Variants in ATG2B observed in about 807,000 individuals in gnomAD.
The protein encoded by ATG2B is autophagy-related protein 2 homolog B.
In ATG2B, 121 loss-of-function variants were observed where a neutral mutation model predicts 241.3. The observed-to-expected ratio is 0.50, with a 90% CI of 0.43 to 0.58. The LOEUF is 0.58. Ranked by LOEUF, ATG2B falls within the 20% of genes least tolerant of loss-of-function variation. The pLI, the probability that ATG2B is intolerant of heterozygous loss-of-function variation, is 0.00. For synonymous variants in ATG2B, 858 were observed against 876.6 expected (o/e 0.98, Z 0.37); for missense variants, 2,306 against 2,491.6 (o/e 0.93, Z 1.59).
intron 15 of ATG2B, 181 bp from the exon 16 acceptor site, chr14:96,324,179 CTGTTT>C (rs1887531700): frequency 7.2e-6 from 4 of 556,390 alleles, no homozygotes; most frequent in Non-Finnish European, 1.3e-5. Flanking sequence ...ATTAAAGATT[CTGTTT>C]TGTGTTCAAA....
chr14:96,322,394 GA>G (rs1225137360), intron 17 of ATG2B, 140 bp from the exon 18 acceptor site: 23 of 1,281,120 alleles, frequency 1.8e-5, no homozygotes, highest in Non-Finnish European at 2.3e-5. Flanking sequence ...TATACACCAA[GA>G]AAAAATAGGT....
chr14:96,323,890 A>G lies in ATG2B; in HGVS notation c.2540+6T>C. ...TCCTATTAAACCTATGCATTTGCTT[A>G]CTCACCGTGGCCAGTCAAAGTCATC... On this transcript the variant is annotated splice_donor_region_variant and intron_variant, in intron 16 of 41. Transcript: ENST00000359933. The G allele has an allele frequency of 6.4e-7, 1 of 1,574,324 alleles. No individual in the cohort carries two copies. Among genetic ancestry groups the G allele is most frequent in the South Asian group, 1.1e-5 (1 of 87,746 alleles).
chr14:96,325,572 T>C, intron 15 of ATG2B, 77 bp downstream of exon 15: 1 of 1,343,104 alleles, frequency 7.4e-7, no homozygotes, highest in Non-Finnish European at 1.0e-6. Flanking sequence ...GGCTGTCAGA[T>C]ACTTTTGTGA....
chr14:96,336,369 TA>T (rs1887868522), intron 6 of ATG2B, among the ~76,000 whole-genome samples: 1 of 152,154 alleles, frequency 6.6e-6, no homozygotes. Context: ...TTGCATTAAA[TA>T]AAAACAAATT....
chr14:96,329,464 A>T lies in ATG2B; in HGVS notation c.1881+20T>A, dbSNP rs754283458. ...GTAGATTTAAAAAATAATCTTAAAG[A>T]AAAAGTATTCAATATTTACCTCTGT... is the stretch of plus-strand genomic sequence containing the variant. On this transcript the variant is annotated intron_variant, in intron 12 of 41. Transcript: ENST00000359933. 1 of 1,515,166 alleles carries T rather than the reference A, an allele frequency of 6.6e-7. No individual in the cohort carries two copies. Among genetic ancestry groups the T allele is most frequent in the East Asian group, 2.3e-5 (1 of 43,052 alleles). 93.9% of individuals were successfully genotyped at this position (1,515,166 alleles called of 1,614,324 possible).
rs146800472 is a variant in ATG2B, at chr14:96,306,852, G to A, written c.4368C>T (p.Asp1456=). The A allele has an allele frequency of 3.8e-4, 614 of 1,613,952 alleles. 3 individuals are homozygous for A. In the African/African-American group the frequency reaches 4.1e-3, roughly 11 times the overall value. Reference sequence around the variant, plus strand: ...ACTCCTGGGATACATTCCCACTCTCGTCAGGAAACAGGAAGAGGTCTGAAC... The same window carrying A: ...ACTCCTGGGATACATTCCCACTCTCATCAGGAAACAGGAAGAGGTCTGAAC... ...PCCSDLFLFP[D]ESGNVSQESG... The change falls in exon 30 of 42, where the codon GAC becomes GAT. Residue 1456 remains aspartate, a synonymous_variant. Coordinates refer to ENST00000359933, the MANE Select transcript of ATG2B (RefSeq NM_018036.7).
chr14:96,289,776 C>A lies in ATG2B; in HGVS notation c.5886G>T (p.Val1962=), dbSNP rs1332517423. The A allele has an allele frequency of 2.5e-6, 4 of 1,614,092 alleles. No individual in the cohort carries two copies. Among genetic ancestry groups the A allele is most frequent in the Non-Finnish European group, 3.4e-6 (4 of 1,179,998 alleles). The part of the protein sequence containing the change: ...QAAAETAYDM[V]SPGTLSIEPK... The stretch of plus-strand genomic sequence containing the variant: ...GCTCGATAGAAAGGGTACCAGGAGA[C>A]ACCATATCATAAGCAGTCTCTGCAG... The change falls in exon 41 of 42, where the codon GTG becomes GTT. Residue 1962 remains valine, a synonymous_variant. Transcript: ENST00000359933. This position sits in a 1 kb window ranked among gnomAD's most constrained non-coding sequence, Gnocchi z 4.3.
In ATG2B at chr14:96,312,131, G is replaced by T; in HGVS notation, c.3871C>A (p.Leu1291Ile). Reference protein sequence around the residue: ...RIILDEAALHLSDKCNTVTIN... With the variant: ...RIILDEAALHISDKCNTVTIN... ...GTGACAGTATTGCATTTGTCAGATA[G>T]ATGTAAAGCAGCTTCATCCAAGATT... Residue 1291 changes from leucine (L) to isoleucine (I), a missense_variant, in exon 26 of 42, where the codon CTA becomes ATA. Transcript: ENST00000359933. 1 of 1,599,274 alleles carries T rather than the reference G, an allele frequency of 6.3e-7. No individual in the cohort carries two copies. The highest frequency in any genetic ancestry group is 1.8e-5 in the Admixed American group (1 of 55,270).
At chr14:96,333,993 T>C in intron 7 of ATG2B, 120 bp from the exon 8 acceptor site, 1 of 789,218 alleles carries the variant, frequency 1.3e-6, no homozygotes, top group Non-Finnish European at 2.1e-6. Context: ...GCAAAACCAC[T>C]GCTATTTAGT....
intron 1 of ATG2B, among the ~76,000 whole-genome samples, chr14:96,348,940 A>G (rs1888242652): frequency 6.6e-6 from 1 of 152,224 alleles, no homozygotes; most frequent in Admixed American, 6.5e-5. Flanking sequence ...AAAAGAAAGC[A>G]GAGACCAAGA....
Position 96,290,316 on chromosome 14 carries a change from C to T in ATG2B, c.5856+120G>A, listed in dbSNP as rs988116854. The T allele has an allele frequency of 8.9e-6, 12 of 1,346,296 alleles. No individual in the cohort carries two copies. Among genetic ancestry groups the T allele is most frequent in the South Asian group, 4.6e-5 (3 of 65,618 alleles). The allele number at this position is 1,346,296 out of a possible 1,614,324, so 83.4% of individuals were successfully genotyped here. A position where few individuals can be genotyped will look rare whatever the true frequency, so the allele number is the denominator to read the frequency against. On this transcript the variant is annotated intron_variant, in intron 40 of 41. Transcript: ENST00000359933. This position sits in a 1 kb window ranked among gnomAD's most constrained non-coding sequence, Gnocchi z 4.4. Reference sequence around the variant, plus strand: ...AAACAAGCATGACATTAAATCACTACGAATAAAGTATCTACTCACAACATT... The same window carrying T: ...AAACAAGCATGACATTAAATCACTATGAATAAAGTATCTACTCACAACATT...
intron 16 of ATG2B, among the ~76,000 whole-genome samples, chr14:96,323,642 C>A (rs1469901217): frequency 6.6e-6 from 1 of 152,134 alleles, no homozygotes; most frequent in Non-Finnish European, 1.5e-5. Flanking sequence ...CAACATCTGT[C>A]CTAAGAATCT....
chr14:96,358,035 ACT>A (rs1172587053), intron 1 of ATG2B, among the ~76,000 whole-genome samples: 1 of 152,170 alleles, frequency 6.6e-6, no homozygotes, highest in Non-Finnish European at 1.5e-5. Context: ...ACTTGATGGA[ACT>A]CTCTTCTCAG....
In ATG2B at chr14:96,353,679, A is replaced by G. The variant is rs531628294; in HGVS notation, c.163-6338T>C. Reference sequence around the variant, plus strand: ...ATATATAAATCATTAAAGGAATTAAAATGTTACACTAGAAAATATTTGCTT... The same window carrying G: ...ATATATAAATCATTAAAGGAATTAAGATGTTACACTAGAAAATATTTGCTT... On this transcript the variant is annotated intron_variant, in intron 1 of 41. Coordinates refer to ENST00000359933, the MANE Select transcript of ATG2B (RefSeq NM_018036.7). Among the ~76,000 whole-genome samples the G allele has an allele frequency of 6.6e-5, 10 of 151,404 alleles. No individual in the cohort carries two copies. The East Asian group carries it at 1.7e-3, about 26-fold the overall frequency.
At chr14:96,286,779 T>G (rs940280717) in intron 41 of ATG2B, among the ~76,000 whole-genome samples, 1 of 151,992 alleles carries the variant, frequency 6.6e-6, no homozygotes, top group African/African-American at 2.4e-5. Context: ...TTATTATTAT[T>G]ATATTATTAT....
chr14:96,316,452 T>A (rs1657685782), intron 21 of ATG2B, 81 bp downstream of exon 21: 1 of 1,387,938 alleles, frequency 7.2e-7, no homozygotes, highest in Non-Finnish European at 9.9e-7. Context: ...ACCAAAGTTC[T>A]GTTCTCAATA....
chr14:96,290,186 C>A lies in ATG2B; in HGVS notation c.5856+250G>T. The stretch of plus-strand genomic sequence containing the variant: ...TCATACAAATATGGTGAAATCAATC[C>A]TCTGCTAACTTAATGTTTACAATTT... On this transcript the variant is annotated intron_variant, in intron 40 of 41. Transcript: ENST00000359933. This position sits in a 1 kb window ranked among gnomAD's most constrained non-coding sequence, Gnocchi z 4.4. The A allele has an allele frequency of 7.8e-7, 1 of 1,287,516 alleles. No individual in the cohort carries two copies. The highest frequency in any genetic ancestry group is 9.9e-7 in the Non-Finnish European group (1 of 1,014,380). The allele number at this position is 1,287,516 out of a possible 1,614,324, so 79.8% of individuals were successfully genotyped here.
chr14:96,297,384 C>A (rs1489051587), intron 34 of ATG2B, among the ~76,000 whole-genome samples: 1 of 151,754 alleles, frequency 6.6e-6, no homozygotes, highest in African/African-American at 2.4e-5. Context: ...ATGCTAATCA[C>A]CAGCTTTTTT....
In ATG2B at chr14:96,284,866, C is replaced by T. The variant is rs929984878; in HGVS notation, c.*889G>A. 3.9e-5 allele frequency: 6 copies of T among 152,148 alleles called. No homozygotes were observed. Among genetic ancestry groups the T allele is most frequent in the African/African-American group, 1.4e-4 (6 of 41,434 alleles). The allele number at this position is 152,148 out of a possible 1,614,324, so 9.4% of individuals were successfully genotyped here. A position where few individuals can be genotyped will look rare whatever the true frequency, so the allele number is the denominator to read the frequency against. Reference sequence around the variant, plus strand: ...GGGCATATTTGAAGAATTTTGTTTACTTTTAAAAGAGGAAAAATCACTTCC... The same window carrying T: ...GGGCATATTTGAAGAATTTTGTTTATTTTTAAAAGAGGAAAAATCACTTCC... On this transcript the variant is annotated 3_prime_UTR_variant, in exon 42 of 42. Transcript: ENST00000359933.
Sources: allele counts gnomAD v4.1 joint callset (sites outside exome capture counted in the v4.1 genomes callset), GRCh38; gene constraint gnomAD v4.1.1; non-coding constraint Gnocchi (gnomAD v3.1); transcripts MANE v1.5; gene names NCBI Gene and HGNC (gene_info 2026-07-23, HGNC 2026-07-21).